The following ITGA11 variants were observed in gnomAD, a reference collection of about 807,000 sequenced individuals.
The protein encoded by ITGA11 is integrin alpha-11.
ITGA11 carries 97 observed loss-of-function variants against 141.9 expected under a neutral mutation model. That is an observed-to-expected ratio of 0.68 (90% CI 0.58 to 0.81). ITGA11 has a LOEUF of 0.81. ITGA11 is among the 30% of genes least tolerant of loss of function. ITGA11 has a pLI of 0.00. For synonymous variants in ITGA11, 658 were observed against 624.6 expected, an observed-to-expected ratio of 1.05 and a Z score of -0.80; for missense variants, 1,387 against 1,559.2, an observed-to-expected ratio of 0.89 and a Z score of 1.86.
chr15:68,312,150 AAC>A (rs1466416795), intron 24 of ITGA11, among the ~76,000 whole-genome samples: 1 of 152,260 alleles, frequency 6.6e-6, no homozygotes, highest in Non-Finnish European at 1.5e-5. Flanking sequence ...ATTGCCTCCT[AAC>A]TCTCATTCTC....
At chr15:68,416,899 T>C (rs1463726654) in intron 1 of ITGA11, among the ~76,000 whole-genome samples, 1 of 152,166 alleles carries the variant, frequency 6.6e-6, no homozygotes, top group Non-Finnish European at 1.5e-5. Context: ...CCGGGTGACA[T>C]ATGGAGACCC....
intron 1 of ITGA11, among the ~76,000 whole-genome samples, chr15:68,427,923 G>A (rs1897181642): frequency 6.6e-6 from 1 of 152,142 alleles, no homozygotes; most frequent in African/African-American, 2.4e-5. Flanking sequence ...GAGTGGGTGG[G>A]CCTGGAAGGG....
Position 68,325,346 on chromosome 15 carries a change from G to A in ITGA11, c.2212-105C>T. 1 of 774,698 alleles carries A rather than the reference G, an allele frequency of 1.3e-6. No individual in the cohort carries two copies. The highest frequency in any genetic ancestry group is 1.5e-5 in the South Asian group (1 of 64,716). The allele number at this position is 774,698 out of a possible 1,614,324, so 48.0% of individuals were successfully genotyped here. A position where few individuals can be genotyped will look rare whatever the true frequency, so the allele number is the denominator to read the frequency against. On this transcript the variant is annotated intron_variant, in intron 17 of 29. Coordinates refer to ENST00000315757, the MANE Select transcript of ITGA11 (RefSeq NM_001004439.2). This position sits in a 1 kb window ranked among gnomAD's most constrained non-coding sequence, Gnocchi z 5.5. ...AACTTCCACCTTCCTTAGATGGCAG[G>A]GCAGCTGCCCTGTGCCCTCAGGGTG...
Position 68,326,623 on chromosome 15 carries a change from T to C in ITGA11, c.2211+31A>G, listed in dbSNP as rs2271722. ...GGCAGATGCTCCTTCCTATAGGAGC[T>C]TGGGCTCTGCTGGTGGGGCTGCCAG... On this transcript the variant is annotated intron_variant, in intron 17 of 29. Coordinates refer to ENST00000315757, the MANE Select transcript of ITGA11 (RefSeq NM_001004439.2). The surrounding 1 kb of genome is among the most constrained non-coding windows in gnomAD (Gnocchi z 6.8). The C allele has an allele frequency of 0.76, 1,194,553 of 1,565,150 alleles. 465,497 individuals carry two copies. Among genetic ancestry groups the C allele is most frequent in the South Asian group, 0.84 (70,793 of 84,040 alleles).
chr15:68,315,953 A>G (rs567981705), intron 21 of ITGA11, among the ~76,000 whole-genome samples: 9 of 152,246 alleles, frequency 5.9e-5, no homozygotes, highest in African/African-American at 1.2e-4. Context: ...AGCTCCCACA[A>G]TGGGGTTTCT....
chr15:68,343,687 G>A (rs1567137242), intron 10 of ITGA11, among the ~76,000 whole-genome samples: 1 of 152,192 alleles, frequency 6.6e-6, no homozygotes, highest in Non-Finnish European at 1.5e-5. Context: ...AAACTCCCGA[G>A]AGTCCACGTC....
Position 68,299,120 on chromosome 15 carries a change from G to A in ITGA11, c.*3939C>T, listed in dbSNP as rs1310036671. 6.6e-6 allele frequency: 1 copy of A among 152,160 alleles called. No homozygotes were observed. Among genetic ancestry groups the A allele is most frequent in the Admixed American group, 6.5e-5 (1 of 15,284 alleles). 9.4% of individuals were successfully genotyped at this position (152,160 alleles called of 1,614,324 possible). A position where few individuals can be genotyped will look rare whatever the true frequency, so the allele number is the denominator to read the frequency against. ...ATCCTTTAAAAATAACTTTCTGCTTGTACTCTACTTTGGACCTGGTAAGTT... is the reference window on the plus strand; with the variant it reads ...ATCCTTTAAAAATAACTTTCTGCTTATACTCTACTTTGGACCTGGTAAGTT... On this transcript the variant is annotated 3_prime_UTR_variant, in exon 30 of 30. Coordinates refer to ENST00000315757, the MANE Select transcript of ITGA11 (RefSeq NM_001004439.2).
intron 1 of ITGA11, among the ~76,000 whole-genome samples, chr15:68,426,239 G>A (rs570877326): frequency 2.6e-5 from 4 of 152,358 alleles, no homozygotes; most frequent in South Asian, 2.1e-4. Flanking sequence ...AACACATCAC[G>A]TTGTCATCAC....
chr15:68,416,562 A>C (rs781287523), intron 1 of ITGA11, among the ~76,000 whole-genome samples: 42 of 152,212 alleles, frequency 2.8e-4, no homozygotes, highest in Non-Finnish European at 5.6e-4. Context: ...TGTAATTAAC[A>C]TTATTTTTCC....
At chr15:68,391,682 T>C (rs1896125744) in intron 2 of ITGA11, among the ~76,000 whole-genome samples, 1 of 152,174 alleles carries the variant, frequency 6.6e-6, no homozygotes, top group African/African-American at 2.4e-5. Flanking sequence ...CAGAAAGCCT[T>C]CATGGAGAAA....
chr15:68,403,286 CCAAAT>C (rs1278472678), intron 1 of ITGA11, among the ~76,000 whole-genome samples: 1 of 152,160 alleles, frequency 6.6e-6, no homozygotes, highest in Non-Finnish European at 1.5e-5. Context: ...TGTATCCCTT[CCAAAT>C]CTGACGTTGA....
chr15:68,431,886 G>A, intron 1 of ITGA11, 129 bp downstream of exon 1: 1 of 583,678 alleles, frequency 1.7e-6, no homozygotes, highest in Non-Finnish European at 2.6e-6. Flanking sequence ...GGGGACCCAC[G>A]TCCCCAAGAG....
At chr15:68,422,473 C>T (rs1266667873) in intron 1 of ITGA11, among the ~76,000 whole-genome samples, 1 of 152,254 alleles carries the variant, frequency 6.6e-6, no homozygotes, top group Middle Eastern at 3.4e-3. Context: ...TGTCCCCTTG[C>T]TGGGTCGCTG....
intron 1 of ITGA11, among the ~76,000 whole-genome samples, chr15:68,418,932 T>C (rs943074453): frequency 6.6e-6 from 1 of 152,002 alleles, no homozygotes; most frequent in African/African-American, 2.4e-5. Context: ...ATGCAATTTG[T>C]GGCAGGGCTT....
chr15:68,394,443 A>T (rs1896185978), intron 2 of ITGA11, among the ~76,000 whole-genome samples: 1 of 152,170 alleles, frequency 6.6e-6, no homozygotes, highest in African/African-American at 2.4e-5. Context: ...AATTTGTAGG[A>T]TGCAGCTAAA....
At chr15:68,385,558 T>C (rs1281063144) in intron 2 of ITGA11, among the ~76,000 whole-genome samples, 2 of 152,246 alleles carry the variant, frequency 1.3e-5, no homozygotes, top group Non-Finnish European at 1.5e-5. Context: ...GGAAGGTCAG[T>C]ACCTAAACCC....
intron 5 of ITGA11, among the ~76,000 whole-genome samples, chr15:68,359,491 C>G (rs561407356): frequency 7.9e-5 from 12 of 152,186 alleles, no homozygotes; most frequent in Admixed American, 7.8e-4. Context: ...ACTAAAAATA[C>G]AAAAATTAGC....
At chr15:68,364,236 T>C (rs917841818) in intron 4 of ITGA11, among the ~76,000 whole-genome samples, 1 of 152,170 alleles carries the variant, frequency 6.6e-6, no homozygotes. Context: ...TCGGCTGTGG[T>C]AGTCTGTGTT....
Position 68,339,530 on chromosome 15 carries a change from C to T in ITGA11, c.1246G>A (p.Glu416Lys), listed in dbSNP as rs201105280. Residue 416 changes from glutamate to lysine, a missense_variant, in exon 11 of 30, where the codon GAG becomes AAG. Physicochemically the swap from Glu to Lys is moderately conservative, Grantham distance 56 (BLOSUM62 1). Transcript: ENST00000315757. The stretch of plus-strand genomic sequence containing the variant: ...TATGCACCATGGTTCTTGAGCTCCT[C>T]GGGGAACTCTTTCAGGTAGGACTCG... The part of the protein sequence containing the change: ...LRESYLKEFP[E>K]ELKNHGAYLG... The T allele has an allele frequency of 6.9e-5, 111 of 1,613,814 alleles. No individual in the cohort carries two copies. The highest frequency in any genetic ancestry group is 6.2e-4 in the East Asian group (28 of 44,874).
Sources: gnomAD v4.1 joint callset for allele counts (sites outside exome capture counted in the v4.1 genomes callset) on GRCh38, gnomAD v4.1.1 for gene constraint, Gnocchi (gnomAD v3.1) non-coding constraint, MANE v1.5 for transcripts, NCBI Gene and HGNC (gene_info 2026-07-23, HGNC 2026-07-21) for gene names.